HSD17B2: variants seen among roughly 807,000 people sequenced by gnomAD.
HSD17B2 encodes the protein hydroxysteroid 17-beta dehydrogenase 2.
In HSD17B2, 32 loss-of-function variants were observed where a neutral mutation model predicts 26.9. The observed-to-expected ratio is 1.19, with a 90% CI of 0.90 to 1.60. HSD17B2 has a LOEUF of 1.60. Among genes scored for constraint, HSD17B2 ranks in the 40% most tolerant of loss-of-function variants. The probability of loss-of-function intolerance (pLI) is 0.00; values close to 1 mark genes in which losing one functional copy is unlikely to be tolerated. For synonymous variants in HSD17B2, 246 were observed against 186.7 expected (o/e 1.32, Z -2.59); for missense variants, 613 against 468.6 (o/e 1.31, Z -2.85).
rs138625290 is a variant in HSD17B2 at position 82,082,534 on chromosome 16, G to A, written c.665-8368G>A. On this transcript the variant is annotated intron_variant, in intron 3 of 4. Transcript: ENST00000199936. ...ATATTTTTTGTACAAGCTTTTGTGTGGACACTATAAATTTTATGTAAGTGT... is the reference window on the plus strand; with the variant it reads ...ATATTTTTTGTACAAGCTTTTGTGTAGACACTATAAATTTTATGTAAGTGT... 9.9e-5 allele frequency among the ~76,000 whole-genome samples: 15 copies of A among 152,156 alleles called. No homozygotes were observed. In the East Asian group the frequency reaches 2.9e-3, roughly 29 times the overall value.
At chr16:82,088,933 T>C (rs1158302110) in intron 3 of HSD17B2, among the ~76,000 whole-genome samples, 2 of 152,302 alleles carry the variant, frequency 1.3e-5, no homozygotes, top group East Asian at 1.9e-4. Flanking sequence ...AATAAATTAC[T>C]AGCTCACCAA....
rs1251306128 is a variant in HSD17B2 at position 82,036,318 on chromosome 16, G to GTT, written c.265+631_265+632dup. Among the ~76,000 whole-genome samples, 4 of 97,276 alleles carry GTT rather than the reference G, an allele frequency of 4.1e-5. No individual in the cohort carries two copies. The South Asian group carries it at 1.4e-3, about 33-fold the overall frequency. 63.8% of individuals were successfully genotyped at this position (97,276 alleles called of 152,430 possible). A position where few individuals can be genotyped will look rare whatever the true frequency, so the allele number is the denominator to read the frequency against. ...TAGCTGAGCTGCCAGTTTTTCCCTT[G>GTT]TTTGTGTGTGTGTGTGTGTGTGTGT... is the stretch of plus-strand genomic sequence containing the variant. On this transcript the variant is annotated intron_variant, in intron 1 of 4. Coordinates refer to ENST00000199936, the MANE Select transcript of HSD17B2 (RefSeq NM_002153.3).
intron 4 of HSD17B2, 196 bp from the exon 5 acceptor site, chr16:82,097,879 A>C: frequency 4.9e-6 from 2 of 408,752 alleles, no homozygotes; most frequent in Non-Finnish European, 8.4e-6. Context: ...CAGAGGTTGC[A>C]GTGAGCTGAG....
Position 82,098,204 on chromosome 16 carries a change from A to T in HSD17B2, c.932A>T (p.Asn311Ile). Residue 311 changes from asparagine (N) to isoleucine (I), a missense_variant, in exon 5 of 5, where the codon AAC becomes ATC. Asn to Ile is a moderately radical substitution (Grantham distance 149, BLOSUM62 -3). Transcript: ENST00000199936. ...CAGCGGAATTTCCTCCTATTGATCA[A>T]CTCGTTAGCCAGCAAGGACTTCTCT... ...LAQRNFLLLI[N>I]SLASKDFSPV... 3.1e-6 allele frequency: 5 copies of T among 1,613,842 alleles called. No individual in the cohort carries two copies. Among genetic ancestry groups the T allele is most frequent in the Non-Finnish European group, 4.2e-6 (5 of 1,179,952 alleles).
chr16:82,087,973 T>A (rs2911417), intron 3 of HSD17B2, among the ~76,000 whole-genome samples: 5 of 152,146 alleles, frequency 3.3e-5, no homozygotes, highest in African/African-American at 1.2e-4. Flanking sequence ...TAACACTGTT[T>A]CATTGGGGAT....
At chr16:82,039,456 C>A (rs905937726) in intron 1 of HSD17B2, among the ~76,000 whole-genome samples, 3 of 151,754 alleles carry the variant, frequency 2.0e-5, no homozygotes, top group African/African-American at 7.3e-5. Flanking sequence ...AAAACGTTGA[C>A]AAACAGAGAG....
intron 3 of HSD17B2, among the ~76,000 whole-genome samples, chr16:82,083,315 G>T (rs906540943): frequency 1.3e-5 from 2 of 151,980 alleles, no homozygotes; most frequent in Non-Finnish European, 2.9e-5. Context: ...AACATGAAAG[G>T]GAAAGAGTAA....
rs973657811 is a variant in HSD17B2, at chr16:82,090,165, G to T, written c.665-737G>T. The T allele has an allele frequency of 1.1e-5, 10 of 932,592 alleles. No individual in the cohort carries two copies. The African/African-American group carries it at 1.8e-4, about 17-fold the overall frequency. 57.8% of individuals were successfully genotyped at this position (932,592 alleles called of 1,614,324 possible). On this transcript the variant is annotated intron_variant, in intron 3 of 4. Transcript: ENST00000199936. ...TTGAGCACAATCTGTTCGATTACAG[G>T]TGCTGTAGTGGGTTGAATAGTGGAC... is the stretch of plus-strand genomic sequence containing the variant.
intron 3 of HSD17B2, among the ~76,000 whole-genome samples, chr16:82,082,464 T>A (rs527527134): frequency 6.6e-6 from 1 of 152,334 alleles, no homozygotes; most frequent in Admixed American, 6.5e-5. Flanking sequence ...GATGGACATT[T>A]AGGTTCTTTC....
chr16:82,038,480 G>C (rs937108189), intron 1 of HSD17B2, among the ~76,000 whole-genome samples: 2 of 152,298 alleles, frequency 1.3e-5, no homozygotes, highest in Admixed American at 1.3e-4. Context: ...CTCTCAAGTA[G>C]CTGGGATTAC....
chr16:82,043,392 A>G (rs1913820329), intron 1 of HSD17B2, among the ~76,000 whole-genome samples: 1 of 149,130 alleles, frequency 6.7e-6, no homozygotes, highest in Non-Finnish European at 1.5e-5. Flanking sequence ...GTTTATAAAA[A>G]TCATATAGAT....
rs1257712185 is a variant in HSD17B2 at position 82,062,891 on chromosome 16, C to T, written c.266-5279C>T. Among the ~76,000 whole-genome samples, 4 of 152,324 alleles carry T rather than the reference C, an allele frequency of 2.6e-5. No individual in the cohort carries two copies. In the East Asian group the frequency reaches 7.7e-4, roughly 29 times the overall value. On this transcript the variant is annotated intron_variant, in intron 1 of 4. Coordinates refer to ENST00000199936, the MANE Select transcript of HSD17B2 (RefSeq NM_002153.3). The stretch of plus-strand genomic sequence containing the variant: ...TCCTTAGCCACAGACTTTTTCAAGG[C>T]CCTCTGACCCCTGAGCTGCCTCAGG...
intron 1 of HSD17B2, among the ~76,000 whole-genome samples, chr16:82,059,476 G>A (rs1489825117): frequency 1.3e-5 from 2 of 152,186 alleles, no homozygotes; most frequent in Admixed American, 6.5e-5. Flanking sequence ...AGTGGATACC[G>A]ACCCCTATCC....
At chr16:82,086,955 G>A (rs751395374) in intron 3 of HSD17B2, among the ~76,000 whole-genome samples, 2 of 152,264 alleles carry the variant, frequency 1.3e-5, no homozygotes, top group South Asian at 4.2e-4. Flanking sequence ...AGAGTGTGAG[G>A]TGTCTGGTGT....
At chr16:82,060,050 G>GCTTTTATTTTTTTTTTTTTTTTTT (rs1914389328) in intron 1 of HSD17B2, among the ~76,000 whole-genome samples, 1 of 152,212 alleles carries the variant, frequency 6.6e-6, no homozygotes, top group African/African-American at 2.4e-5. Context: ...TAAGAGTTGA[G>GCTTTTATTTTTTTTTTTTTTTTTT]CTTTTATTTT....
At position 82,035,477 on chromosome 16, in the gene HSD17B2, T is replaced by A; in HGVS notation, c.53T>A (p.Val18Glu). 4 of 1,613,380 alleles carry A rather than the reference T, an allele frequency of 2.5e-6. No homozygotes were observed. The Middle Eastern group carries it at 5.0e-4, about 203-fold the overall frequency. The part of the protein sequence containing the change: ...TAWICLAVPT[V>E]LCGTVFCKYK... ...TGGATCTGCCTGGCTGTCCCCACAG[T>A]ACTATGTGGGACAGTATTTTGCAAA... The change falls in exon 1 of 5, where the codon GTA becomes GAA. Residue 18 changes from valine to glutamate, a missense_variant. Transcript: ENST00000199936.
At chr16:82,042,474 G>A (rs533496380) in intron 1 of HSD17B2, among the ~76,000 whole-genome samples, 1 of 152,316 alleles carries the variant, frequency 6.6e-6, no homozygotes, top group African/African-American at 2.4e-5. Flanking sequence ...AGAGAAGGCA[G>A]CTGCTTCCTA....
chr16:82,081,959 G>A (rs111228159), intron 3 of HSD17B2, among the ~76,000 whole-genome samples: 1 of 152,178 alleles, frequency 6.6e-6, no homozygotes, highest in African/African-American at 2.4e-5. Context: ...CACGGATGGA[G>A]CTGGAAGCCA....
At chr16:82,067,590 C>T (rs536306450) in intron 1 of HSD17B2, among the ~76,000 whole-genome samples, 21 of 152,294 alleles carry the variant, frequency 1.4e-4, no homozygotes, top group South Asian at 6.2e-4. Flanking sequence ...TTAGGCTTGA[C>T]GTCTATTCCA....
Sources: allele counts gnomAD v4.1 joint callset (sites outside exome capture counted in the v4.1 genomes callset), GRCh38; gene constraint gnomAD v4.1.1; transcripts MANE v1.5; gene names NCBI Gene and HGNC (gene_info 2026-07-23, HGNC 2026-07-21).